Variants in XYLB observed in about 807,000 individuals in gnomAD.
XYLB encodes the protein xylulose kinase.
A neutral mutation model predicts 78.7 loss-of-function variants in XYLB; 62 were observed. The observed-to-expected ratio is 0.79, with a 90% confidence interval of 0.64 to 0.97. The LOEUF (loss-of-function observed/expected upper bound fraction) is 0.97. Ranked by LOEUF, XYLB falls within the 50% of genes least tolerant of loss-of-function variation. The pLI, the probability that XYLB is intolerant of heterozygous loss-of-function variation, is 0.00. For synonymous variants in XYLB, 245 were observed against 247.4 expected (o/e 0.99, Z 0.09); for missense variants, 687 against 676.8 (o/e 1.02, Z -0.17).
chr3:38,352,557 A>G, intron 2 of XYLB, among the ~76,000 whole-genome samples: 1 of 152,202 alleles, frequency 6.6e-6, no homozygotes, highest in Admixed American at 6.5e-5. Context: ...CTGTAATCCT[A>G]GCACTTTGGG....
At chr3:38,392,616 C>G (rs1707713387) in intron 15 of XYLB, among the ~76,000 whole-genome samples, 1 of 152,134 alleles carries the variant, frequency 6.6e-6, no homozygotes, top group South Asian at 2.1e-4. Context: ...TGATTTTGAA[C>G]AGCTCTTTGT....
chr3:38,420,231 A>T (rs1028301874), exon 18 of XYLB, among the ~76,000 whole-genome samples: 1 of 152,236 alleles, frequency 6.6e-6, no homozygotes, highest in Non-Finnish European at 1.5e-5. Context: ...CCATCATGTC[A>T]TGTCATCTAT....
At chr3:38,369,963 G>A in intron 8 of XYLB, 93 bp from the exon 9 acceptor site, 1 of 1,062,088 alleles carries the variant, frequency 9.4e-7, no homozygotes, top group East Asian at 2.4e-5. Flanking sequence ...ACAAGTTGTG[G>A]CAAGAGAATT....
intron 15 of XYLB, among the ~76,000 whole-genome samples, chr3:38,395,110 A>T (rs562541211): frequency 1.4e-4 from 21 of 152,114 alleles, no homozygotes; most frequent in Non-Finnish European, 2.2e-4. Context: ...ATCAGGAGGG[A>T]GGGATTATGT....
At position 38,355,667 on chromosome 3, in the gene XYLB, G is replaced by T. The variant is rs537161367; in HGVS notation, c.141-4672G>T. The T allele has an allele frequency of 3.8e-4, 267 of 699,966 alleles. 1 individual carries two copies. The highest frequency in any genetic ancestry group is 1.4e-3 in the African/African-American group (78 of 57,218). 43.4% of individuals were successfully genotyped at this position (699,966 alleles called of 1,614,324 possible). On this transcript the variant is annotated intron_variant, in intron 2 of 18. Coordinates refer to ENST00000207870, the MANE Select transcript of XYLB (RefSeq NM_005108.4). The stretch of plus-strand genomic sequence containing the variant: ...GTGGAATATAAGAAAATGTGATCAG[G>T]CCTCTAAAAGACCTAGTCCATCAAA...
intron 2 of XYLB, among the ~76,000 whole-genome samples, chr3:38,350,054 A>G (rs145284910): frequency 2.0e-5 from 3 of 152,298 alleles, no homozygotes; most frequent in Admixed American, 6.5e-5. Flanking sequence ...TCAGTCCGTA[A>G]CACTGTGGAC....
At chr3:38,390,275 G>A (rs1234384685) in intron 15 of XYLB, among the ~76,000 whole-genome samples, 1 of 152,130 alleles carries the variant, frequency 6.6e-6, no homozygotes, top group East Asian at 1.9e-4. Context: ...GTGCAATGGT[G>A]CATTCTCGGC....
chr3:38,366,809 G>A lies in XYLB; in HGVS notation c.509G>A (p.Arg170His), dbSNP rs200759971. ...TAAGAATTTATATTCCTTTTCCAGC[G>A]TTTTACAGGGAACCAAATTGCAAAA... is the stretch of plus-strand genomic sequence containing the variant. Reference protein sequence around the residue: ...SCLTGSRAYERFTGNQIAKIY... With the variant: ...SCLTGSRAYEHFTGNQIAKIY... The change falls in exon 7 of 19, where the codon CGT (arginine) becomes CAT (histidine). Residue 170 changes from arginine to histidine, a missense_variant and splice_region_variant. Arg to His is a conservative substitution (Grantham distance 29). Transcript: ENST00000207870. 4.0e-5 allele frequency: 65 copies of A among 1,610,266 alleles called. No homozygotes were observed. Among genetic ancestry groups the A allele is most frequent in the African/African-American group, 9.3e-5 (7 of 74,922 alleles).
chr3:38,426,959 G>T, the XYLB span, among the ~76,000 whole-genome samples: 2 of 152,166 alleles, frequency 1.3e-5, no homozygotes, highest in African/African-American at 4.8e-5. Context: ...AGCAGGAAAG[G>T]CCTGTGGCTT....
chr3:38,368,097 T>A (rs1706356798), intron 7 of XYLB, 88 bp from the exon 8 acceptor site: 1 of 1,328,238 alleles, frequency 7.5e-7, no homozygotes, highest in Non-Finnish European at 1.1e-6. Flanking sequence ...CTCTCCAATT[T>A]TTTTTCATGC....
In XYLB at chr3:38,400,038, C is replaced by T. The variant is rs111632054; in HGVS notation, c.1439-853C>T. ...ATTTGGTTAGGAAAACTGGTCCTCACATCTTCAGAGGGCCCTTCTTCACTC... is the reference window on the plus strand; with the variant it reads ...ATTTGGTTAGGAAAACTGGTCCTCATATCTTCAGAGGGCCCTTCTTCACTC... On this transcript the variant is annotated intron_variant, in intron 17 of 18. Transcript: ENST00000207870. Among the ~76,000 whole-genome samples, 567 of 152,310 alleles carry T rather than the reference C, an allele frequency of 3.7e-3. 3 individuals are homozygous for T. Among genetic ancestry groups the T allele is most frequent in the African/African-American group, 0.013 (533 of 41,574 alleles).
chr3:38,365,786 G>T (rs528709037), intron 6 of XYLB, 50 bp downstream of exon 6: 1 of 1,558,750 alleles, frequency 6.4e-7, no homozygotes, highest in South Asian at 1.2e-5. Flanking sequence ...TGCAAGCTCC[G>T]GAGGCATAGT....
At chr3:38,349,685 A>G (rs954975292) in intron 2 of XYLB, among the ~76,000 whole-genome samples, 3 of 152,200 alleles carry the variant, frequency 2.0e-5, no homozygotes, top group African/African-American at 7.2e-5. Context: ...AAGGTACCAT[A>G]GACTGGGTGG....
chr3:38,424,185 C>A (rs1283046162), downstream of XYLB, among the ~76,000 whole-genome samples: 1 of 152,120 alleles, frequency 6.6e-6, no homozygotes. Flanking sequence ...TTGATTTTTC[C>A]AACTCAGCAT....
At chr3:38,435,653 C>G in the XYLB span, among the ~76,000 whole-genome samples, 1 of 152,184 alleles carries the variant, frequency 6.6e-6, no homozygotes, top group Admixed American at 6.5e-5. Context: ...TTCTTTTCAT[C>G]AGCATACAAC....
chr3:38,438,503 C>G, the XYLB span, among the ~76,000 whole-genome samples: 2 of 152,150 alleles, frequency 1.3e-5, no homozygotes, highest in African/African-American at 4.8e-5. Flanking sequence ...TTAGAAAAAA[C>G]AATCTTAAAA....
At chr3:38,372,311 CT>C (rs997623987) in intron 9 of XYLB, 27,198 of 643,872 alleles carry the variant, frequency 0.042, no homozygotes, top group Non-Finnish European at 0.048. Context: ...GTCCTGTTAC[CT>C]TTTTTTTTTT....
In XYLB at chr3:38,376,206, C is replaced by T. The variant is rs1706847381; in HGVS notation, c.1094C>T (p.Thr365Ile). Residue 365 changes from threonine (T) to isoleucine (I), a missense_variant, in exon 13 of 19, where the codon ACA becomes ATA. Coordinates refer to ENST00000207870, the MANE Select transcript of XYLB (RefSeq NM_005108.4). ...GATTTCTCTAAGGCACTGCAGTCCACAGAGATGGGCAACGGTGGAAACCTG... is the reference window on the plus strand; with the variant it reads ...GATTTCTCTAAGGCACTGCAGTCCATAGAGATGGGCAACGGTGGAAACCTG... ...WSDFSKALQS[T>I]EMGNGGNLGF... 2.5e-6 allele frequency: 4 copies of T among 1,613,500 alleles called. No individual in the cohort carries two copies. The highest frequency in any genetic ancestry group is 2.7e-5 in the African/African-American group (2 of 74,922).
the XYLB span, among the ~76,000 whole-genome samples, chr3:38,427,026 G>A: frequency 6.6e-5 from 10 of 152,214 alleles, no homozygotes; most frequent in Non-Finnish European, 1.0e-4. Flanking sequence ...GCTCCTCACT[G>A]AGATTGCTTT....
Sources: allele counts gnomAD v4.1 joint callset (sites outside exome capture counted in the v4.1 genomes callset), GRCh38; gene constraint gnomAD v4.1.1; transcripts MANE v1.5; gene names NCBI Gene and HGNC (gene_info 2026-07-23, HGNC 2026-07-21).